Variants in NCAM2 observed in about 807,000 individuals in gnomAD.
NCAM2 encodes the protein neural cell adhesion molecule 2.
Under a neutral mutation model 98.1 loss-of-function variants are expected in NCAM2, and 30 were observed. The ratio of observed to expected loss-of-function variants is 0.31; its 90% CI spans 0.23 to 0.41. NCAM2 has a LOEUF of 0.41. Ranked by LOEUF, NCAM2 falls within the 10% of genes least tolerant of loss-of-function variation. The probability of loss-of-function intolerance (pLI) is 1.00; values close to 1 mark genes in which losing one functional copy is unlikely to be tolerated. For synonymous variants in NCAM2, 368 were observed against 342.4 expected (o/e 1.07, Z -0.83); for missense variants, 867 against 1,005.8 (o/e 0.86, Z 1.87).
intron 15 of NCAM2, among the ~76,000 whole-genome samples, chr21:21,482,898 T>C (rs1019867027): frequency 6.6e-6 from 1 of 152,006 alleles, no homozygotes; most frequent in Admixed American, 6.6e-5. Context: ...CTCCATCTTA[T>C]TTTATTTTAT....
intron 1 of NCAM2, among the ~76,000 whole-genome samples, chr21:21,100,234 G>A (rs2066212520): frequency 1.3e-5 from 2 of 151,890 alleles, no homozygotes; most frequent in South Asian, 4.1e-4. Flanking sequence ...CCAAAAAAAA[G>A]AGAAGCCCCA....
chr21:21,079,126 A>T (rs1028289477), intron 1 of NCAM2, among the ~76,000 whole-genome samples: 2 of 152,180 alleles, frequency 1.3e-5, no homozygotes, highest in Non-Finnish European at 2.9e-5. Context: ...GGTGCAGCAA[A>T]ACACCATGGC....
At chr21:21,216,087 C>G (rs1025767191) in intron 1 of NCAM2, among the ~76,000 whole-genome samples, 1 of 151,936 alleles carries the variant, frequency 6.6e-6, no homozygotes, top group Non-Finnish European at 1.5e-5. Context: ...TTTACTGTAC[C>G]CAAGGCAATT....
At position 21,147,054 on chromosome 21, in the gene NCAM2, C is replaced by T. The variant is rs887220557; in HGVS notation, c.56-133524C>T. ...CTGTCCCACTCCGGAACTCATACGG[C>T]TGCCTTCTACTCCGGAACTGATACC... On this transcript the variant is annotated intron_variant, in intron 1 of 17. Transcript: ENST00000400546. 7 of 553,974 alleles carry T rather than the reference C, an allele frequency of 1.3e-5. No homozygotes were observed. In the Admixed American group the frequency reaches 5.0e-4, roughly 40 times the overall value. 34.3% of individuals were successfully genotyped at this position (553,974 alleles called of 1,614,324 possible). A position where few individuals can be genotyped will look rare whatever the true frequency, so the allele number is the denominator to read the frequency against.
chr21:21,472,347 G>C (rs574681670), intron 14 of NCAM2, among the ~76,000 whole-genome samples: 1 of 151,994 alleles, frequency 6.6e-6, no homozygotes, highest in Non-Finnish European at 1.5e-5. Flanking sequence ...AGTTTGAAAA[G>C]GGCATTAAAA....
chr21:21,390,678 T>C (rs2076361841), intron 9 of NCAM2, among the ~76,000 whole-genome samples: 1 of 152,214 alleles, frequency 6.6e-6, no homozygotes, highest in Non-Finnish European at 1.5e-5. Context: ...GTTTGTTATA[T>C]ATTTTTCTTT....
intron 1 of NCAM2, among the ~76,000 whole-genome samples, chr21:21,167,210 TTC>T (rs368403027): frequency 2.7e-4 from 41 of 149,950 alleles, no homozygotes; most frequent in East Asian, 3.9e-4. Context: ...ACTGCCAGTT[TTC>T]TCTCTCTCTC....
intron 1 of NCAM2, among the ~76,000 whole-genome samples, chr21:21,089,843 T>A (rs2256924): frequency 0.23 from 34,558 of 152,084 alleles, 4,597 homozygotes; most frequent in African/African-American, 0.36. Flanking sequence ...ATATGGCTTG[T>A]GTGCATGGAA....
At position 21,429,178 on chromosome 21, in the gene NCAM2, C is replaced by T. The variant is rs73324859; in HGVS notation, c.1481-2930C>T. Among the ~76,000 whole-genome samples, 1,313 of 152,206 alleles carry T rather than the reference C, an allele frequency of 8.6e-3. 22 individuals carry two copies. Among genetic ancestry groups the T allele is most frequent in the African/African-American group, 0.03 (1,264 of 41,538 alleles). Reference sequence around the variant, plus strand: ...CAGTAAGTGTCAGCAGATCTGAAAACGGACTATATAACTAGAAGAGACTAG... The same window carrying T: ...CAGTAAGTGTCAGCAGATCTGAAAATGGACTATATAACTAGAAGAGACTAG... On this transcript the variant is annotated intron_variant, in intron 11 of 17. Transcript: ENST00000400546.
chr21:21,404,362 C>T (rs2076693832), intron 9 of NCAM2, among the ~76,000 whole-genome samples: 1 of 152,024 alleles, frequency 6.6e-6, no homozygotes, highest in South Asian at 2.1e-4. Flanking sequence ...CCCAGCAGAG[C>T]ATAATTGAAT....
intron 1 of NCAM2, among the ~76,000 whole-genome samples, chr21:21,139,625 C>T (rs2067127058): frequency 6.6e-6 from 1 of 152,040 alleles, no homozygotes; most frequent in Admixed American, 6.6e-5. Context: ...GATAAATATT[C>T]AGGTAGTTTT....
chr21:21,352,479 T>C (rs917545668), intron 8 of NCAM2, among the ~76,000 whole-genome samples: 5 of 152,122 alleles, frequency 3.3e-5, no homozygotes, highest in African/African-American at 1.2e-4. Flanking sequence ...AATGTTAGTA[T>C]ACATAGAAAT....
chr21:21,301,820 T>C (rs1428393846), intron 5 of NCAM2, among the ~76,000 whole-genome samples: 1 of 150,288 alleles, frequency 6.7e-6, no homozygotes, highest in Admixed American at 6.7e-5. Flanking sequence ...CAGACACTTC[T>C]CAAAAGAAGA....
At chr21:21,121,854 G>A (rs775252621) in intron 1 of NCAM2, among the ~76,000 whole-genome samples, 13 of 152,190 alleles carry the variant, frequency 8.5e-5, no homozygotes, top group Non-Finnish European at 1.8e-4. Context: ...TCAGGAAGCT[G>A]ATACCACAGC....
At chr21:21,016,722 A>G (rs1379144941) in intron 1 of NCAM2, among the ~76,000 whole-genome samples, 1 of 152,134 alleles carries the variant, frequency 6.6e-6, no homozygotes, top group African/African-American at 2.4e-5. Context: ...TAATACCTAT[A>G]TCTGCTTATA....
intron 16 of NCAM2, among the ~76,000 whole-genome samples, chr21:21,528,173 C>A (rs1032138763): frequency 6.6e-6 from 1 of 152,082 alleles, no homozygotes; most frequent in East Asian, 1.9e-4. Flanking sequence ...CTAAAAAGAT[C>A]AGTGGTTGCA....
At chr21:21,522,276 T>C (rs541807970) in intron 16 of NCAM2, among the ~76,000 whole-genome samples, 2 of 148,710 alleles carry the variant, frequency 1.3e-5, no homozygotes, top group South Asian at 4.2e-4. Flanking sequence ...TATATAAATA[T>C]GATTATATAT....
intron 1 of NCAM2, among the ~76,000 whole-genome samples, chr21:21,019,101 C>A (rs1248134085): frequency 6.6e-6 from 1 of 152,188 alleles, no homozygotes; most frequent in Non-Finnish European, 1.5e-5. Context: ...CTTTCCCATG[C>A]ACAAGTTGCT....
At chr21:21,070,276 T>C (rs1381293738) in intron 1 of NCAM2, among the ~76,000 whole-genome samples, 1 of 150,062 alleles carries the variant, frequency 6.7e-6, no homozygotes, top group African/African-American at 2.4e-5. Context: ...TGTATATATA[T>C]ATATATATAT....
Sources: allele counts gnomAD v4.1 joint callset (sites outside exome capture counted in the v4.1 genomes callset), GRCh38; gene constraint gnomAD v4.1.1; transcripts MANE v1.5; gene names NCBI Gene and HGNC (gene_info 2026-07-23, HGNC 2026-07-21).